AUTS2: variants seen among roughly 807,000 people sequenced by gnomAD.
AUTS2 encodes the protein activator of transcription and developmental regulator AUTS2, also known as autism susceptibility gene 2 protein.
Under a neutral mutation model 112.4 loss-of-function variants are expected in AUTS2, and 17 were observed. The ratio of observed to expected loss-of-function variants is 0.15; its 90% CI spans 0.10 to 0.23. The LOEUF (loss-of-function observed/expected upper bound fraction) is 0.23, where lower values mean the gene tolerates loss of function less well. AUTS2 is among the 10% of genes least tolerant of loss of function. The probability of loss-of-function intolerance (pLI) is 1.00; values close to 1 mark genes in which losing one functional copy is unlikely to be tolerated. For synonymous variants in AUTS2, 751 were observed against 702.7 expected (o/e 1.07, Z -1.09); for missense variants, 1,510 against 1,701.6 (o/e 0.89, Z 1.98).
chr7:70,178,799 A>G (rs1230450890), intron 4 of AUTS2, among the ~76,000 whole-genome samples: 1 of 152,138 alleles, frequency 6.6e-6, no homozygotes, highest in Non-Finnish European at 1.5e-5. Flanking sequence ...ACTGTCTAAA[A>G]AAAAAAATGT....
intron 1 of AUTS2, among the ~76,000 whole-genome samples, chr7:69,888,563 A>ATT (rs1794381620): frequency 7.0e-6 from 1 of 143,368 alleles, no homozygotes; most frequent in East Asian, 2.0e-4. Flanking sequence ...ATATATATAT[A>ATT]TATATATATG....
chr7:69,868,862 T>TTAAA (rs1793355360), intron 1 of AUTS2, among the ~76,000 whole-genome samples: 1 of 152,188 alleles, frequency 6.6e-6, no homozygotes, highest in African/African-American at 2.4e-5. Context: ...ATTAGGCAGT[T>TTAAA]TAGGAGTAAT....
At chr7:70,458,911 C>T (rs890084838) in intron 5 of AUTS2, among the ~76,000 whole-genome samples, 5 of 152,170 alleles carry the variant, frequency 3.3e-5, no homozygotes, top group Non-Finnish European at 5.9e-5. Flanking sequence ...GAGACACTTG[C>T]GAGATCTCAG....
chr7:69,957,955 C>T (rs1232316857), intron 2 of AUTS2, among the ~76,000 whole-genome samples: 1 of 152,116 alleles, frequency 6.6e-6, no homozygotes, highest in Non-Finnish European at 1.5e-5. Flanking sequence ...GCAAGTGTAG[C>T]CTACACAAGT....
At chr7:70,292,795 C>CA (rs1294986708) in intron 4 of AUTS2, 1 of 152,204 alleles carries the variant, frequency 6.6e-6, no homozygotes, top group Non-Finnish European at 1.5e-5. Flanking sequence ...GCAGCCTAAT[C>CA]AAAATGGTAT....
chr7:70,187,534 G>A (rs1026917770), intron 4 of AUTS2, among the ~76,000 whole-genome samples: 1 of 151,990 alleles, frequency 6.6e-6, no homozygotes, highest in African/African-American at 2.4e-5. Flanking sequence ...TAGTTAAGAG[G>A]CCATCTTCTG....
chr7:70,742,637 C>T (rs1245290786), intron 6 of AUTS2, among the ~76,000 whole-genome samples: 2 of 152,144 alleles, frequency 1.3e-5, no homozygotes, highest in Non-Finnish European at 2.9e-5. Flanking sequence ...TGGCGCGTGC[C>T]TGTAATCCCA....
chr7:70,306,813 G>A (rs140141155), intron 4 of AUTS2, among the ~76,000 whole-genome samples: 2 of 152,322 alleles, frequency 1.3e-5, no homozygotes, highest in Admixed American at 1.3e-4. Context: ...TAGATATTGA[G>A]AAAGAAATCT....
intron 6 of AUTS2, among the ~76,000 whole-genome samples, chr7:70,724,787 A>G (rs1786929171): frequency 6.6e-6 from 1 of 152,224 alleles, no homozygotes; most frequent in South Asian, 2.1e-4. Flanking sequence ...AGGTGGTAGC[A>G]TACTGCTAAA....
At chr7:69,602,152 TG>T (rs1353751985) in intron 1 of AUTS2, among the ~76,000 whole-genome samples, 13 of 151,648 alleles carry the variant, frequency 8.6e-5, no homozygotes, top group Non-Finnish European at 1.6e-4. Flanking sequence ...GGTATTTGAC[TG>T]GGCTTGTGAT....
intron 5 of AUTS2, among the ~76,000 whole-genome samples, chr7:70,659,479 G>A (rs1225741563): frequency 6.6e-6 from 1 of 152,166 alleles, no homozygotes; most frequent in East Asian, 1.9e-4. Flanking sequence ...CCACGGCTGT[G>A]TCACTTCCTG....
chr7:69,754,860 A>G (rs917979994), intron 1 of AUTS2, among the ~76,000 whole-genome samples: 2 of 152,158 alleles, frequency 1.3e-5, no homozygotes, highest in Non-Finnish European at 2.9e-5. Context: ...GACAGCTCCT[A>G]AATTGCAGGG....
chr7:69,633,372 G>T (rs141128122), intron 1 of AUTS2, among the ~76,000 whole-genome samples: 1 of 152,140 alleles, frequency 6.6e-6, no homozygotes, highest in African/African-American at 2.4e-5. Context: ...TGCTTAGGTT[G>T]TCTCCATATC....
chr7:69,767,901 C>T (rs898168453), intron 1 of AUTS2, among the ~76,000 whole-genome samples: 2 of 152,178 alleles, frequency 1.3e-5, no homozygotes, highest in African/African-American at 4.8e-5. Context: ...TTCCTCAGAC[C>T]CTCCTCTAGA....
chr7:70,360,805 C>T (rs149236526), intron 4 of AUTS2, among the ~76,000 whole-genome samples: 10 of 152,128 alleles, frequency 6.6e-5, no homozygotes, highest in African/African-American at 1.9e-4. Context: ...TCATGAAGGA[C>T]TCATTGTCAC....
At position 70,793,324 on chromosome 7, in the gene AUTS2, G is replaced by A. The variant is rs752299853; in HGVS notation, c.*2328G>A. Reference sequence around the variant, plus strand: ...GTATTGCATTTCAATCTGTGGACTCGGTCAGTCATATGTTACTTAAGACCT... The same window carrying A: ...GTATTGCATTTCAATCTGTGGACTCAGTCAGTCATATGTTACTTAAGACCT... On this transcript the variant is annotated 3_prime_UTR_variant, in exon 19 of 19. Transcript: ENST00000342771. 2 of 151,966 alleles carry A rather than the reference G, an allele frequency of 1.3e-5. No individual in the cohort carries two copies. Among genetic ancestry groups the A allele is most frequent in the Non-Finnish European group, 2.9e-5 (2 of 68,004 alleles). The allele number at this position is 151,966 out of a possible 1,614,324, so 9.4% of individuals were successfully genotyped here.
At chr7:70,301,533 G>A (rs12155138) in intron 4 of AUTS2, among the ~76,000 whole-genome samples, 45,740 of 151,942 alleles carry the variant, frequency 0.3, 7,151 homozygotes, top group African/African-American at 0.38. Flanking sequence ...GGGCTTTGAA[G>A]ACGTGCAACA....
chr7:69,794,699 C>T (rs1584256508), intron 1 of AUTS2, among the ~76,000 whole-genome samples: 1 of 151,990 alleles, frequency 6.6e-6, no homozygotes, highest in East Asian at 1.9e-4. Context: ...GGTAAAGCCA[C>T]TCAATTACGC....
chr7:69,641,830 T>G (rs1794810328), intron 1 of AUTS2, among the ~76,000 whole-genome samples: 1 of 152,208 alleles, frequency 6.6e-6, no homozygotes, highest in Admixed American at 6.5e-5. Context: ...TAAGCACAAG[T>G]TCAGTTTGGC....
Sources: gnomAD v4.1 joint callset for allele counts (sites outside exome capture counted in the v4.1 genomes callset) on GRCh38, gnomAD v4.1.1 for gene constraint, MANE v1.5 for transcripts, NCBI Gene and HGNC (gene_info 2026-07-23, HGNC 2026-07-21) for gene names.